The following PTPRB variants were observed in gnomAD, a reference collection of about 807,000 sequenced individuals.
PTPRB encodes the protein receptor-type tyrosine-protein phosphatase beta.
In PTPRB, 97 loss-of-function variants were observed where a neutral mutation model predicts 238.1. The observed-to-expected ratio is 0.41, with a 90% CI of 0.35 to 0.48. PTPRB has a LOEUF of 0.48. PTPRB is among the 20% of genes least tolerant of loss of function. The pLI, the probability that PTPRB is intolerant of heterozygous loss-of-function variation, is 0.30. For synonymous variants in PTPRB, 970 were observed against 995.4 expected (o/e 0.97, Z 0.48); for missense variants, 2,292 against 2,681.9 (o/e 0.85, Z 3.21).
intron 15 of PTPRB, among the ~76,000 whole-genome samples, chr12:70,563,809 C>G (rs1436861061): frequency 6.6e-6 from 1 of 152,204 alleles, no homozygotes; most frequent in Admixed American, 6.5e-5. Flanking sequence ...CCAGACATCC[C>G]AGGTGAAAAC....
At position 70,596,354 on chromosome 12, in the gene PTPRB, C is replaced by A. The variant is rs371867288; in HGVS notation, c.980-27G>T. ...TGCAAGGCAAATACACACACACACACAAAAAAAAAAAAGAAAGAAAAAGAA... is the reference window on the plus strand; with the variant it reads ...TGCAAGGCAAATACACACACACACAAAAAAAAAAAAAAGAAAGAAAAAGAA... On this transcript the variant is annotated intron_variant, in intron 4 of 33. Coordinates refer to ENST00000334414, the MANE Select transcript of PTPRB (RefSeq NM_001109754.4). 47,767 of 1,119,806 alleles carry A rather than the reference C, an allele frequency of 0.043. 315 individuals are homozygous for A. The highest frequency in any genetic ancestry group is 0.046 in the Non-Finnish European group (41,344 of 893,068). The allele number at this position is 1,119,806 out of a possible 1,614,324, so 69.4% of individuals were successfully genotyped here.
chr12:70,596,919 A>AT (rs11313100), intron 4 of PTPRB, among the ~76,000 whole-genome samples: 23,983 of 144,146 alleles, frequency 0.17, 2,317 homozygotes, highest in Non-Finnish European at 0.24. Flanking sequence ...ATATCCCTAG[A>AT]TTTTTTTTTT....
In PTPRB at chr12:70,518,535, C is replaced by G. The variant is rs765528837; in HGVS notation, c.*2954G>C. The G allele has an allele frequency of 6.6e-5, 10 of 152,042 alleles. No individual in the cohort carries two copies. The highest frequency in any genetic ancestry group is 1.5e-4 in the Non-Finnish European group (10 of 68,016). The allele number at this position is 152,042 out of a possible 1,614,324, so 9.4% of individuals were successfully genotyped here. A position where few individuals can be genotyped will look rare whatever the true frequency, so the allele number is the denominator to read the frequency against. ...GATAATATGAACAGTAGATAAAAATCACATTCAACTGGGAAAACAAACATA... is the reference window on the plus strand; with the variant it reads ...GATAATATGAACAGTAGATAAAAATGACATTCAACTGGGAAAACAAACATA... On this transcript the variant is annotated 3_prime_UTR_variant, in exon 34 of 34. Transcript: ENST00000334414.
intron 12 of PTPRB, 196 bp from the exon 13 acceptor site, chr12:70,571,485 T>C: frequency 1.6e-6 from 1 of 622,034 alleles, no homozygotes; most frequent in South Asian, 2.1e-5. Context: ...GACATAAATG[T>C]TACATGATCA....
At position 70,637,360 on chromosome 12, in the gene PTPRB, G is replaced by A; in HGVS notation, c.36C>T (p.Cys12=). ...EAEFYMVILT[C]LIFRNSEGFQ... ...ACTCACCTGAGTTCCTGAAGATCAA[G>A]CAGGTAAGAATCACCATGTAAAATT... The change falls in exon 1 of 34, where the codon TGC becomes TGT. Residue 12 remains cysteine, a synonymous_variant. Transcript: ENST00000334414. 2 of 1,609,250 alleles carry A rather than the reference G, an allele frequency of 1.2e-6. No homozygotes were observed. The highest frequency in any genetic ancestry group is 1.7e-6 in the Non-Finnish European group (2 of 1,177,936).
In PTPRB at chr12:70,576,662, T is replaced by TCGGCGG. The variant is rs1555230172; in HGVS notation, c.2579-18_2579-17insCCGCCG. ...TGGAAGGGACTGTGATTTTGAAAGG[T>TCGGCGG]GGGGGGCGGGGGGGGGGGGGAAGGG... On this transcript the variant is annotated splice_polypyrimidine_tract_variant and intron_variant, in intron 10 of 33. Transcript: ENST00000334414. 9.2e-4 allele frequency: 14 copies of TCGGCGG among 15,288 alleles called. No individual in the cohort carries two copies. Among genetic ancestry groups the TCGGCGG allele is most frequent in the African/African-American group, 4.5e-3 (14 of 3,078 alleles). 0.9% of individuals were successfully genotyped at this position (15,288 alleles called of 1,614,324 possible).
intron 14 of PTPRB, among the ~76,000 whole-genome samples, chr12:70,568,483 G>T (rs1010604989): frequency 6.6e-6 from 1 of 152,082 alleles, no homozygotes; most frequent in Non-Finnish European, 1.5e-5. Flanking sequence ...ATTTTTAGTA[G>T]AGACGGGGTT....
chr12:70,586,245 A>T (rs2567157), intron 9 of PTPRB, among the ~76,000 whole-genome samples: 1 of 152,110 alleles, frequency 6.6e-6, no homozygotes, highest in Non-Finnish European at 1.5e-5. Flanking sequence ...AATGGTTGAA[A>T]TAGTTTACAG....
chr12:70,595,012 G>A (rs374270944), intron 5 of PTPRB, among the ~76,000 whole-genome samples: 135 of 152,218 alleles, frequency 8.9e-4, no homozygotes, highest in African/African-American at 3.2e-3. Context: ...ACAGCAGTAA[G>A]TAGAAGAGAG....
intron 4 of PTPRB, among the ~76,000 whole-genome samples, chr12:70,600,530 A>G (rs1883388205): frequency 1.3e-5 from 2 of 152,268 alleles, no homozygotes; most frequent in African/African-American, 4.8e-5. Flanking sequence ...TAGCATAGTC[A>G]AAATGAGTAA....
chr12:70,590,590 CTTTTTT>C (rs34092195), intron 7 of PTPRB, among the ~76,000 whole-genome samples: 9 of 105,998 alleles, frequency 8.5e-5, no homozygotes, highest in Non-Finnish European at 1.6e-4. Context: ...AGATTAAGTT[CTTTTTT>C]TTTTTTTTTT....
At chr12:70,534,809 G>C (rs762512779) in intron 30 of PTPRB, 24 bp downstream of exon 30, 1 of 1,611,000 alleles carries the variant, frequency 6.2e-7, no homozygotes, top group Non-Finnish European at 8.5e-7. Context: ...AAGCTCGGTT[G>C]TTAAGTCAAG....
At chr12:70,581,346 C>A (rs1235658383) in intron 9 of PTPRB, 44 bp from the exon 10 acceptor site, 12 of 1,533,532 alleles carry the variant, frequency 7.8e-6, no homozygotes, top group African/African-American at 2.8e-5. Flanking sequence ...ACTTAGTCAC[C>A]TTAAGAAAGT....
At chr12:70,632,929 A>G (rs1885520881) in intron 2 of PTPRB, among the ~76,000 whole-genome samples, 1 of 152,224 alleles carries the variant, frequency 6.6e-6, no homozygotes, top group Non-Finnish European at 1.5e-5. Context: ...AGGGTACCTG[A>G]GTGCTAGCAC....
In PTPRB at chr12:70,569,912, T is replaced by A. The variant is rs1385526387; in HGVS notation, c.3397A>T (p.Ile1133Phe). The A allele has an allele frequency of 2.5e-6, 4 of 1,611,174 alleles. No individual in the cohort carries two copies. In the East Asian group the frequency reaches 8.9e-5, roughly 36 times the overall value. Residue 1133 changes from isoleucine (I) to phenylalanine (F), a missense_variant, in exon 14 of 34, where the codon ATT becomes TTT. Ile to Phe is a conservative substitution (Grantham distance 21). Around this residue, in one of 4 missense-constraint regions of PTPRB, gnomAD observed 683 missense variants for 862.0 expected, o/e 0.79. Transcript: ENST00000334414. Reference protein sequence around the residue: ...TVPSAVKNIHISPNGATDSLT... With the variant: ...TVPSAVKNIHFSPNGATDSLT... ...CTATCTGTTGCTCCATTGGGAGAAA[T>A]GTGAATATTTTTGACAGCACTAGGA... is the stretch of plus-strand genomic sequence containing the variant.
At chr12:70,594,820 C>T (rs1882845195) in intron 5 of PTPRB, 96 bp from the exon 6 acceptor site, 2 of 1,405,648 alleles carry the variant, frequency 1.4e-6, no homozygotes, top group Non-Finnish European at 9.7e-7. Context: ...ATTTGTGTTC[C>T]TCTGTACATC....
rs1199430629 is a variant in PTPRB at position 70,594,679 on chromosome 12, G to T, written c.1304C>A (p.Ser435Tyr). The T allele has an allele frequency of 6.2e-7, 1 of 1,613,918 alleles. No homozygotes were observed. The highest frequency in any genetic ancestry group is 8.5e-7 in the Non-Finnish European group (1 of 1,179,890). Residue 435 changes from serine (S) to tyrosine (Y), a missense_variant, in exon 6 of 34, where the codon TCT (serine) becomes TAT (tyrosine). Ser to Tyr is a moderately radical substitution (Grantham distance 144). Transcript: ENST00000334414. The stretch of plus-strand genomic sequence containing the variant: ...ACCATGGGACCAGGAAATCAGGAGA[G>T]AATTGGCTTTTGTGGAAATACCAAT... ...KDIGISTKAN[S>Y]LLISWSHGSG... is the part of the protein sequence containing the mutation.
rs942998672 is a variant in PTPRB, at chr12:70,555,372, A to G, written c.4994-63T>C. On this transcript the variant is annotated intron_variant, in intron 19 of 33. Transcript: ENST00000334414. ...CAACTCTGCTTTCACAGCATAAACA[A>G]CAGTTAGTGAAATGAAGGATTCTGC... 4.2e-6 allele frequency: 6 copies of G among 1,445,702 alleles called. No individual in the cohort carries two copies. The African/African-American group carries it at 7.0e-5, about 17-fold the overall frequency. 89.6% of individuals were successfully genotyped at this position (1,445,702 alleles called of 1,614,324 possible).
intron 33 of PTPRB, 38 bp downstream of exon 33, chr12:70,524,433 T>C: frequency 6.4e-7 from 1 of 1,556,142 alleles, no homozygotes; most frequent in Non-Finnish European, 8.7e-7. Flanking sequence ...CATATCTTGA[T>C]GAAGAAACTT....
Sources: allele counts gnomAD v4.1 joint callset (sites outside exome capture counted in the v4.1 genomes callset), GRCh38; gene constraint gnomAD v4.1.1; regional missense constraint gnomAD v4.1.1; transcripts MANE v1.5; gene names NCBI Gene and HGNC (gene_info 2026-07-23, HGNC 2026-07-21).